Variants in PDE3B observed in about 807,000 individuals in gnomAD.
The protein encoded by PDE3B is phosphodiesterase 3B.
Under a neutral mutation model 116.8 loss-of-function variants are expected in PDE3B, and 66 were observed. The observed-to-expected ratio is 0.56, with a 90% confidence interval of 0.46 to 0.69. PDE3B has a LOEUF of 0.69. Ranked by LOEUF, PDE3B falls within the 30% of genes least tolerant of loss-of-function variation. PDE3B has a pLI of 0.00. For missense variants in PDE3B, 1,384 were observed against 1,368.1 expected (o/e 1.01, Z -0.18); for synonymous variants, 595 against 533.6 (o/e 1.12, Z -1.59).
chr11:14,876,770 G>A (rs1354142560), downstream of PDE3B, among the ~76,000 whole-genome samples: 2 of 152,142 alleles, frequency 1.3e-5, no homozygotes, highest in Admixed American at 6.6e-5. Flanking sequence ...GTATCATCTG[G>A]AAGGCAAAAT....
intron 14 of PDE3B, among the ~76,000 whole-genome samples, chr11:14,861,661 TG>T (rs1847953023): frequency 1.3e-5 from 2 of 152,184 alleles, no homozygotes; most frequent in South Asian, 4.1e-4. Context: ...CCTCAATTCT[TG>T]CCCCCTCAGA....
chr11:14,809,101 A>G (rs543303391), intron 5 of PDE3B, among the ~76,000 whole-genome samples: 2 of 152,330 alleles, frequency 1.3e-5, no homozygotes, highest in East Asian at 3.9e-4. Context: ...TCAAATTTTA[A>G]AACTTACTAC....
At position 14,818,217 on chromosome 11, in the gene PDE3B, C is replaced by T. The variant is rs1379746786; in HGVS notation, c.1557C>T (p.Ser519=). The T allele has an allele frequency of 1.2e-6, 2 of 1,613,320 alleles. No individual in the cohort carries two copies. Among genetic ancestry groups the T allele is most frequent in the Non-Finnish European group, 8.5e-7 (1 of 1,179,476 alleles). ...CCAGTCTGAGTCCTGTGAATTCTTCCAACCATGGACCAGTGTCTACTGGCT... is the reference window on the plus strand; with the variant it reads ...CCAGTCTGAGTCCTGTGAATTCTTCTAACCATGGACCAGTGTCTACTGGCT... ...VLSSLSPVNS[S]NHGPVSTGSL... Residue 519 remains serine, a synonymous_variant, in exon 6 of 16, where the codon TCC becomes TCT. Coordinates refer to ENST00000282096, the MANE Select transcript of PDE3B (RefSeq NM_000922.4).
the PDE3B span, chr11:14,880,422 C>G: frequency 6.2e-7 from 1 of 1,613,388 alleles, no homozygotes; most frequent in East Asian, 2.2e-5. Flanking sequence ...TTCCAAAAGG[C>G]AGGATGCCAA....
At chr11:14,754,391 T>G (rs535582618) in intron 1 of PDE3B, among the ~76,000 whole-genome samples, 1 of 152,174 alleles carries the variant, frequency 6.6e-6, no homozygotes, top group African/African-American at 2.4e-5. Context: ...GATCAATCTC[T>G]AGAGTAATAT....
At chr11:14,820,143 ATTG>A (rs928259184) in intron 7 of PDE3B, among the ~76,000 whole-genome samples, 1 of 152,050 alleles carries the variant, frequency 6.6e-6, no homozygotes, top group African/African-American at 2.4e-5. Flanking sequence ...ATTTTAAAGG[ATTG>A]TTAACAAATA....
chr11:14,703,798 C>G (rs560287147), intron 1 of PDE3B, among the ~76,000 whole-genome samples: 85 of 151,162 alleles, frequency 5.6e-4, no homozygotes, highest in African/African-American at 2.1e-3. Flanking sequence ...GTGAGACATT[C>G]CTTCTTACTA....
intron 1 of PDE3B, among the ~76,000 whole-genome samples, chr11:14,705,151 C>T (rs1173947411): frequency 1.3e-5 from 2 of 151,624 alleles, no homozygotes; most frequent in Non-Finnish European, 3.0e-5. Context: ...GGAATTCTCT[C>T]CTAGGTATTT....
chr11:14,895,470 T>G, the PDE3B span, among the ~76,000 whole-genome samples: 3 of 152,252 alleles, frequency 2.0e-5, no homozygotes, highest in Non-Finnish European at 4.4e-5. Context: ...CCTCTTAAAT[T>G]CTGTTCCCAA....
intron 2 of PDE3B, among the ~76,000 whole-genome samples, chr11:14,784,255 A>G (rs1170165644): frequency 4.6e-5 from 7 of 152,240 alleles, no homozygotes; most frequent in South Asian, 4.1e-4. Context: ...AGGAAGGAAG[A>G]AAGAACAATG....
intron 10 of PDE3B, among the ~76,000 whole-genome samples, 174 bp downstream of exon 10, chr11:14,833,007 A>G (rs1462996631): frequency 6.6e-6 from 1 of 151,400 alleles, no homozygotes; most frequent in Non-Finnish European, 1.5e-5. Flanking sequence ...CTGGAGTGCA[A>G]TGGCGCGATC....
At chr11:14,661,951 C>T (rs901287375) in intron 1 of PDE3B, among the ~76,000 whole-genome samples, 2 of 152,168 alleles carry the variant, frequency 1.3e-5, no homozygotes, top group Non-Finnish European at 2.9e-5. Context: ...TTGAAGAGAG[C>T]AGTGGTTCTC....
rs757297078 is a variant in PDE3B, at chr11:14,804,007, A to G, written c.1479A>G (p.Ser493=). The change falls in exon 5 of 16, where the codon TCA becomes TCG. Residue 493 remains serine (S), a synonymous_variant. Transcript: ENST00000282096. ...SNLLTIPKQR[S]SSVSLTHHVG... ...TACTGACTATCCCGAAGCAAAGGTCATCTTCTGTATCACTGACTCACCATG... is the reference window on the plus strand; with the variant it reads ...TACTGACTATCCCGAAGCAAAGGTCGTCTTCTGTATCACTGACTCACCATG... 3.6e-5 allele frequency: 58 copies of G among 1,611,222 alleles called. No homozygotes were observed. The highest frequency in any genetic ancestry group is 1.6e-4 in the Middle Eastern group (1 of 6,080).
At chr11:14,880,246 T>C in the PDE3B span, 69 of 1,612,986 alleles carry the variant, frequency 4.3e-5, 1 homozygote, top group South Asian at 7.2e-4. Context: ...TAGGTTTTCT[T>C]TGGAGAAAGT....
chr11:14,850,745 A>C (rs1847728987), intron 12 of PDE3B, among the ~76,000 whole-genome samples: 1 of 152,172 alleles, frequency 6.6e-6, no homozygotes, highest in African/African-American at 2.4e-5. Context: ...TTTGCATGAA[A>C]GAGGCAAGAG....
intron 2 of PDE3B, among the ~76,000 whole-genome samples, chr11:14,777,255 T>C (rs770651009): frequency 1.1e-4 from 17 of 152,096 alleles, no homozygotes; most frequent in Non-Finnish European, 2.2e-4. Context: ...TAGGGACCTA[T>C]TGGGAAGTAA....
At chr11:14,739,010 T>C (rs544001236) in intron 1 of PDE3B, among the ~76,000 whole-genome samples, 1 of 152,362 alleles carries the variant, frequency 6.6e-6, no homozygotes, top group African/African-American at 2.4e-5. Flanking sequence ...TGTAGCCTTG[T>C]AATATAGTTT....
intron 1 of PDE3B, among the ~76,000 whole-genome samples, chr11:14,655,705 T>C (rs1287976653): frequency 6.6e-6 from 1 of 152,148 alleles, no homozygotes; most frequent in Non-Finnish European, 1.5e-5. Flanking sequence ...TGGAAGTCTT[T>C]ATAGAGGAGG....
rs145463600 is a variant in PDE3B, at chr11:14,703,459, G to A, written c.978+58406G>A. Among the ~76,000 whole-genome samples the A allele has an allele frequency of 7.2e-4, 109 of 151,136 alleles. 1 individual carries two copies. In the East Asian group the frequency reaches 0.018, roughly 25 times the overall value. ...CAGGAATCTTTTGTTTAAATTTTAG[G>A]AGACTTGTCACCACTCAGTGATATC... is the stretch of plus-strand genomic sequence containing the variant. On this transcript the variant is annotated intron_variant, in intron 1 of 15. Coordinates refer to ENST00000282096, the MANE Select transcript of PDE3B (RefSeq NM_000922.4).
Sources: gnomAD v4.1 joint callset for allele counts (sites outside exome capture counted in the v4.1 genomes callset) on GRCh38, gnomAD v4.1.1 for gene constraint, MANE v1.5 for transcripts, NCBI Gene and HGNC (gene_info 2026-07-23, HGNC 2026-07-21) for gene names.